Variants in ADAM10 observed in about 807,000 individuals in gnomAD.
The protein encoded by ADAM10 is ADAM metallopeptidase domain 10.
A neutral mutation model predicts 90.1 loss-of-function variants in ADAM10; 17 were observed. The ratio of observed to expected loss-of-function variants is 0.19; its 90% CI spans 0.13 to 0.28. ADAM10 has a LOEUF of 0.28. Ranked by LOEUF, ADAM10 falls within the 10% of genes least tolerant of loss-of-function variation. The pLI is 1.00. For missense variants in ADAM10, 610 were observed against 914.3 expected, an observed-to-expected ratio of 0.67 and a Z score of 4.29; for synonymous variants, 310 against 298.6, an observed-to-expected ratio of 1.04 and a Z score of -0.40.
chr15:58,626,181 T>A (rs1895940193), intron 10 of ADAM10, among the ~76,000 whole-genome samples: 1 of 151,972 alleles, frequency 6.6e-6, no homozygotes, highest in Non-Finnish European at 1.5e-5. Flanking sequence ...TGGAATAGTA[T>A]CTATGGATTT....
chr15:58,662,592 T>C (rs1344744201), intron 5 of ADAM10, among the ~76,000 whole-genome samples: 1 of 152,198 alleles, frequency 6.6e-6, no homozygotes, highest in Non-Finnish European at 1.5e-5. Context: ...GTGGTCCTGC[T>C]GCCTCAGCCT....
chr15:58,619,862 C>T (rs1382832775), intron 11 of ADAM10, among the ~76,000 whole-genome samples: 1 of 151,884 alleles, frequency 6.6e-6, no homozygotes, highest in African/African-American at 2.4e-5. Context: ...AGAGATCGCG[C>T]CACTGCACCC....
At chr15:58,685,835 T>C (rs1478457980) in intron 2 of ADAM10, among the ~76,000 whole-genome samples, 2 of 152,006 alleles carry the variant, frequency 1.3e-5, no homozygotes, top group Admixed American at 6.6e-5. Context: ...TAAAATAACA[T>C]CTTAAGACAC....
At chr15:58,739,236 G>C (rs1330768654) in intron 1 of ADAM10, among the ~76,000 whole-genome samples, 1 of 152,044 alleles carries the variant, frequency 6.6e-6, no homozygotes, top group Non-Finnish European at 1.5e-5. Flanking sequence ...GCCGGGCGCG[G>C]TGGCTCACGC....
chr15:58,658,399 A>G (rs1189217298), intron 5 of ADAM10, among the ~76,000 whole-genome samples: 1 of 152,180 alleles, frequency 6.6e-6, no homozygotes, highest in East Asian at 1.9e-4. Context: ...GATTACTGTA[A>G]CTTTATACTA....
chr15:58,747,974 G>C (rs1481323165), intron 1 of ADAM10: 1 of 152,102 alleles, frequency 6.6e-6, no homozygotes, highest in African/African-American at 2.4e-5. Flanking sequence ...AAAAAAGATA[G>C]GAAAACGATT....
Position 58,597,008 on chromosome 15 carries a change from T to G in ADAM10, c.*539A>C, listed in dbSNP as rs1894971156. ...AATTTTTAATTAAGAGCGGAAAAAT[T>G]TTATAATACAAAGAAACATCCATAT... On this transcript the variant is annotated 3_prime_UTR_variant, in exon 16 of 16. Coordinates refer to ENST00000260408, the MANE Select transcript of ADAM10 (RefSeq NM_001110.4). 5.9e-6 allele frequency: 1 copy of G among 168,670 alleles called. No individual in the cohort carries two copies. Among genetic ancestry groups the G allele is most frequent in the Admixed American group, 5.8e-5 (1 of 17,368 alleles). The allele number at this position is 168,670 out of a possible 1,614,324, so 10.4% of individuals were successfully genotyped here. A position where few individuals can be genotyped will look rare whatever the true frequency, so the allele number is the denominator to read the frequency against.
intron 14 of ADAM10, among the ~76,000 whole-genome samples, chr15:58,600,108 T>C (rs1478750278): frequency 7.3e-6 from 1 of 137,732 alleles, no homozygotes; most frequent in Non-Finnish European, 1.5e-5. Flanking sequence ...TTGCCTTTGT[T>C]TTTTCCCCTT....
chr15:58,680,267 C>T (rs1425645636), intron 3 of ADAM10, among the ~76,000 whole-genome samples: 6 of 151,964 alleles, frequency 3.9e-5, no homozygotes, highest in South Asian at 2.1e-4. Flanking sequence ...GGACTACAAG[C>T]GTGCACCGCC....
intron 4 of ADAM10, among the ~76,000 whole-genome samples, chr15:58,677,267 A>T (rs1897320798): frequency 1.3e-5 from 2 of 152,324 alleles, no homozygotes; most frequent in South Asian, 2.1e-4. Context: ...GATATGTAAT[A>T]ATAAAAAGAA....
intron 2 of ADAM10, among the ~76,000 whole-genome samples, chr15:58,703,504 T>C (rs568957543): frequency 6.6e-6 from 1 of 152,192 alleles, no homozygotes; most frequent in East Asian, 1.9e-4. Context: ...CAATAGAATA[T>C]TGTTCAGCCC....
chr15:58,724,390 G>A (rs1675255301), intron 1 of ADAM10, among the ~76,000 whole-genome samples: 1 of 152,060 alleles, frequency 6.6e-6, no homozygotes, highest in South Asian at 2.1e-4. Context: ...GCTACTTCAG[G>A]AGTAATAGAG....
At chr15:58,606,335 A>T (rs1212405174) in intron 14 of ADAM10, among the ~76,000 whole-genome samples, 1 of 152,258 alleles carries the variant, frequency 6.6e-6, no homozygotes, top group African/African-American at 2.4e-5. Flanking sequence ...GCAACTTGCT[A>T]CTAAACTTTT....
chr15:58,726,735 T>A (rs1286270056), intron 1 of ADAM10, among the ~76,000 whole-genome samples: 1 of 151,702 alleles, frequency 6.6e-6, no homozygotes. Context: ...TACATTAGTG[T>A]GCACCTGTGG....
At chr15:58,729,694 G>A (rs1899159841) in intron 1 of ADAM10, among the ~76,000 whole-genome samples, 1 of 151,868 alleles carries the variant, frequency 6.6e-6, no homozygotes, top group Non-Finnish European at 1.5e-5. Context: ...CCAGGCGCAG[G>A]GGCTCACGCT....
rs1046605930 is a variant in ADAM10, at chr15:58,601,861, T to C, written c.2026-2137A>G. The stretch of plus-strand genomic sequence containing the variant: ...TCCTTCAATTTGGGTTCCTCTGGTG[T>C]TTCTTTGTGATCAAATTCAGGTCAC... On this transcript the variant is annotated intron_variant, in intron 14 of 15. Transcript: ENST00000260408. 7.2e-4 allele frequency among the ~76,000 whole-genome samples: 109 copies of C among 152,240 alleles called. 1 individual carries two copies. The highest frequency in any genetic ancestry group is 2.6e-3 in the African/African-American group (107 of 41,456).
chr15:58,683,200 T>C (rs546552904), intron 2 of ADAM10, among the ~76,000 whole-genome samples: 2 of 152,328 alleles, frequency 1.3e-5, no homozygotes, highest in Non-Finnish European at 2.9e-5. Flanking sequence ...GTTAAAAGTA[T>C]ATCAAGTCTT....
chr15:58,719,857 C>A (rs1427193857), intron 1 of ADAM10, among the ~76,000 whole-genome samples: 1 of 152,156 alleles, frequency 6.6e-6, no homozygotes, highest in Non-Finnish European at 1.5e-5. Context: ...TCTTAAGACT[C>A]ACAGATTAAA....
chr15:58,696,754 C>T (rs890959703), intron 2 of ADAM10, among the ~76,000 whole-genome samples: 4 of 152,202 alleles, frequency 2.6e-5, no homozygotes, highest in East Asian at 1.9e-4. Context: ...TGTGAGCCAC[C>T]GCACCTGGCC....
Sources: gnomAD v4.1 joint callset for allele counts (sites outside exome capture counted in the v4.1 genomes callset) on GRCh38, gnomAD v4.1.1 for gene constraint, MANE v1.5 for transcripts, NCBI Gene and HGNC (gene_info 2026-07-23, HGNC 2026-07-21) for gene names.